PRKCA: variants seen among roughly 807,000 people sequenced by gnomAD.
PRKCA encodes the protein protein kinase C alpha.
PRKCA carries 27 observed loss-of-function variants against 87.0 expected under a neutral mutation model. That is an observed-to-expected ratio of 0.31 (90% CI 0.23 to 0.43). The LOEUF (loss-of-function observed/expected upper bound fraction) is 0.43, where lower values mean the gene tolerates loss of function less well. PRKCA is among the 20% of genes least tolerant of loss of function. The pLI, the probability that PRKCA is intolerant of heterozygous loss-of-function variation, is 1.00. For synonymous variants in PRKCA, 329 were observed against 311.1 expected (o/e 1.06, Z -0.61); for missense variants, 518 against 852.3 (o/e 0.61, Z 4.88).
At chr17:66,309,443 G>T (rs931395653) in intron 2 of PRKCA, among the ~76,000 whole-genome samples, 1 of 152,108 alleles carries the variant, frequency 6.6e-6, no homozygotes, top group Admixed American at 6.6e-5. Context: ...CATGGACTCT[G>T]TGCCATTCTT....
At chr17:66,573,335 C>T (rs12938937) in intron 3 of PRKCA, among the ~76,000 whole-genome samples, 34,199 of 151,984 alleles carry the variant, frequency 0.23, 3,960 homozygotes, top group South Asian at 0.34. Flanking sequence ...TTGCCTAGCA[C>T]GCTATGAGCA....
At chr17:66,540,193 T>C (rs1391106412) in intron 3 of PRKCA, among the ~76,000 whole-genome samples, 1 of 152,188 alleles carries the variant, frequency 6.6e-6, no homozygotes, top group Non-Finnish European at 1.5e-5. Context: ...AAGAGGCAGC[T>C]TGGAGAAAAC....
chr17:66,338,333 CTT>C (rs895025500), intron 2 of PRKCA, among the ~76,000 whole-genome samples: 4 of 152,128 alleles, frequency 2.6e-5, no homozygotes, highest in African/African-American at 9.7e-5. Flanking sequence ...CGAATGGCCT[CTT>C]TTGACTTACT....
chr17:66,325,650 A>G (rs1905936262), intron 2 of PRKCA, among the ~76,000 whole-genome samples: 1 of 152,154 alleles, frequency 6.6e-6, no homozygotes, highest in South Asian at 2.1e-4. Context: ...TCAGGAGGCT[A>G]ATGTTCCTAA....
At chr17:66,324,914 G>A (rs1405684058) in intron 2 of PRKCA, among the ~76,000 whole-genome samples, 1 of 152,148 alleles carries the variant, frequency 6.6e-6, no homozygotes, top group African/African-American at 2.4e-5. Context: ...AACTGACATG[G>A]GAGACAACAA....
intron 3 of PRKCA, among the ~76,000 whole-genome samples, chr17:66,515,232 G>A (rs565895653): frequency 4.3e-5 from 6 of 140,154 alleles, no homozygotes; most frequent in Admixed American, 3.1e-4. Flanking sequence ...AGATTGCGCC[G>A]CTGCACTCCA....
At chr17:66,774,110 A>G (rs1347358376) in intron 14 of PRKCA, 43 bp downstream of exon 14, 1 of 1,613,588 alleles carries the variant, frequency 6.2e-7, no homozygotes, top group Non-Finnish European at 8.5e-7. Flanking sequence ...TTGCTGTGTT[A>G]TGTGAATACT....
chr17:66,418,057 G>T (rs1912260028), intron 2 of PRKCA, among the ~76,000 whole-genome samples: 1 of 152,168 alleles, frequency 6.6e-6, no homozygotes. Flanking sequence ...ACACATTTCT[G>T]TAAACTTTTT....
At chr17:66,568,169 C>G (rs1968956397) in intron 3 of PRKCA, among the ~76,000 whole-genome samples, 1 of 152,068 alleles carries the variant, frequency 6.6e-6, no homozygotes, top group South Asian at 2.1e-4. Context: ...ATAAAATTAG[C>G]TGGGCATGGT....
chr17:66,317,245 C>T (rs889248708), intron 2 of PRKCA, among the ~76,000 whole-genome samples: 9 of 152,126 alleles, frequency 5.9e-5, no homozygotes, highest in African/African-American at 2.2e-4. Context: ...TTCCTTCTCT[C>T]TCCATGGGCT....
At chr17:66,721,744 A>G (rs1178480712) in intron 8 of PRKCA, among the ~76,000 whole-genome samples, 2 of 152,188 alleles carry the variant, frequency 1.3e-5, no homozygotes, top group African/African-American at 4.8e-5. Context: ...GGCTGGCTTC[A>G]TTACTGCATC....
chr17:66,424,028 G>C (rs1912642581), intron 2 of PRKCA, among the ~76,000 whole-genome samples: 1 of 152,186 alleles, frequency 6.6e-6, no homozygotes, highest in Admixed American at 6.5e-5. Flanking sequence ...TGTCTTAGCA[G>C]AAGTGTAGAG....
At chr17:66,511,141 C>G (rs909478409) in intron 3 of PRKCA, among the ~76,000 whole-genome samples, 2 of 152,140 alleles carry the variant, frequency 1.3e-5, no homozygotes, top group African/African-American at 2.4e-5. Context: ...TCTGCACTTC[C>G]AAGTCCCAAG....
intron 3 of PRKCA, among the ~76,000 whole-genome samples, chr17:66,631,007 A>C (rs1021429990): frequency 6.6e-6 from 1 of 152,144 alleles, no homozygotes. Flanking sequence ...ATGCAAACAG[A>C]AATGATGACA....
chr17:66,801,582 C>G (rs909518923), intron 16 of PRKCA, among the ~76,000 whole-genome samples: 8 of 152,168 alleles, frequency 5.3e-5, no homozygotes, highest in African/African-American at 1.9e-4. Context: ...TTTCAAAGAG[C>G]CTTTCTCCGT....
intron 2 of PRKCA, among the ~76,000 whole-genome samples, chr17:66,460,455 C>T (rs1025687520): frequency 1.4e-4 from 21 of 152,196 alleles, no homozygotes; most frequent in African/African-American, 4.6e-4. Context: ...TGTAAGTCCA[C>T]CCCTTTCATC....
chr17:66,359,254 C>T (rs1426846643), intron 2 of PRKCA, among the ~76,000 whole-genome samples: 2 of 152,154 alleles, frequency 1.3e-5, no homozygotes, highest in African/African-American at 4.8e-5. Context: ...GTGGCACCAA[C>T]TTTTGTCACT....
At chr17:66,604,119 G>C (rs1970140307) in intron 3 of PRKCA, among the ~76,000 whole-genome samples, 1 of 151,986 alleles carries the variant, frequency 6.6e-6, no homozygotes, top group African/African-American at 2.4e-5. Flanking sequence ...ATCGCCTCTG[G>C]AACAGAATTT....
At chr17:66,410,574 T>TTTTG (rs762763017) in intron 2 of PRKCA, among the ~76,000 whole-genome samples, 1 of 152,058 alleles carries the variant, frequency 6.6e-6, no homozygotes, top group African/African-American at 2.4e-5. Context: ...TAGTTGAACT[T>TTTTG]TTTGTTTGTT....
Sources: gnomAD v4.1 joint callset for allele counts (sites outside exome capture counted in the v4.1 genomes callset) on GRCh38, gnomAD v4.1.1 for gene constraint, MANE v1.5 for transcripts, NCBI Gene and HGNC (gene_info 2026-07-23, HGNC 2026-07-21) for gene names.